ABRACL: variants seen among roughly 807,000 people sequenced by gnomAD.
ABRACL encodes costars family protein ABRACL.
In ABRACL, 4 loss-of-function variants were observed where a neutral mutation model predicts 7.0. The observed-to-expected ratio is 0.57, with a 90% CI of 0.28 to 1.30. The LOEUF is 1.30. Among genes scored for constraint, ABRACL ranks in the 50% most tolerant of loss-of-function variants. ABRACL has a pLI of 0.10. For synonymous variants in ABRACL, 30 were observed against 36.0 expected (o/e 0.83, Z 0.60); for missense variants, 104 against 97.3 (o/e 1.07, Z -0.29).
Position 139,034,226 on chromosome 6 carries a change from G to C in ABRACL, c.61+5G>C. 1 of 1,614,186 alleles carries C rather than the reference G, an allele frequency of 6.2e-7. No homozygotes were observed. The highest frequency in any genetic ancestry group is 8.5e-7 in the Non-Finnish European group (1 of 1,180,052). ...TTCATCGTTTGGGTTCAAAAAGTAA[G>C]TATCTGACAGAGATAGAGTATTTCT... is the stretch of plus-strand genomic sequence containing the variant. On this transcript the variant is annotated splice_donor_5th_base_variant and intron_variant, in intron 2 of 2. Transcript: ENST00000367660.
intron 2 of ABRACL, among the ~76,000 whole-genome samples, chr6:139,041,531 A>ATATATATTTTTTT (rs748288046): frequency 2.1e-4 from 26 of 126,036 alleles, no homozygotes; most frequent in African/African-American, 7.7e-4. Context: ...ATATATATAT[A>ATATATATTTTTTT]TTTTTTTTTA....
intron 2 of ABRACL, among the ~76,000 whole-genome samples, chr6:139,037,385 C>T (rs1786177159): frequency 2.0e-5 from 3 of 152,092 alleles, no homozygotes; most frequent in African/African-American, 4.8e-5. Flanking sequence ...CTCAGCCTCC[C>T]TGGTAGCTGG....
intron 2 of ABRACL, among the ~76,000 whole-genome samples, chr6:139,042,403 C>T (rs1367832359): frequency 6.6e-6 from 1 of 152,128 alleles, no homozygotes; most frequent in African/African-American, 2.4e-5. Flanking sequence ...CAAAAACTCA[C>T]GTAACAATTA....
At chr6:139,041,449 C>CTATATATATA (rs1283788812) in intron 2 of ABRACL, among the ~76,000 whole-genome samples, 1 of 81,878 alleles carries the variant, frequency 1.2e-5, no homozygotes, top group Non-Finnish European at 2.6e-5. Flanking sequence ...CTCTCTCTCT[C>CTATATATATA]TCTATATATA....
chr6:139,042,446 G>A (rs183884456), intron 2 of ABRACL, among the ~76,000 whole-genome samples: 33 of 152,354 alleles, frequency 2.2e-4, no homozygotes, highest in Admixed American at 1.8e-3. Flanking sequence ...AAATTCATCT[G>A]CAGTATTAGC....
intron 1 of ABRACL, among the ~76,000 whole-genome samples, chr6:139,030,987 G>A (rs1374774845): frequency 2.0e-5 from 3 of 152,146 alleles, no homozygotes; most frequent in Non-Finnish European, 4.4e-5. Flanking sequence ...GCAGGTATGC[G>A]TACTATATAT....
chr6:139,042,267 C>G (rs1191709376), intron 2 of ABRACL, among the ~76,000 whole-genome samples: 1 of 128,704 alleles, frequency 7.8e-6, no homozygotes, highest in Non-Finnish European at 1.8e-5. Context: ...TGATGAATGG[C>G]TGATGATTAT....
At chr6:139,035,306 G>A (rs149946264) in intron 2 of ABRACL, among the ~76,000 whole-genome samples, 1 of 152,238 alleles carries the variant, frequency 6.6e-6, no homozygotes, top group East Asian at 1.9e-4. Flanking sequence ...GGTCCTGCTG[G>A]AGTAAGATTA....
At chr6:139,032,555 G>A (rs1008580093) in intron 1 of ABRACL, among the ~76,000 whole-genome samples, 2 of 152,196 alleles carry the variant, frequency 1.3e-5, no homozygotes, top group Non-Finnish European at 2.9e-5. Flanking sequence ...AAAATCTAGT[G>A]TCCCAATCAA....
intron 1 of ABRACL, among the ~76,000 whole-genome samples, chr6:139,033,272 A>G (rs897798396): frequency 3.9e-5 from 6 of 152,362 alleles, no homozygotes; most frequent in African/African-American, 1.4e-4. Context: ...TGGAGGACTT[A>G]GTGAACCAAG....
At chr6:139,034,099 A>T in intron 1 of ABRACL, 56 bp from the exon 2 acceptor site, 1 of 1,606,426 alleles carries the variant, frequency 6.2e-7, no homozygotes, top group Non-Finnish European at 8.5e-7. Flanking sequence ...TTGGATTTGG[A>T]TGTGCTTAAT....
chr6:139,042,330 C>T (rs1786264558), intron 2 of ABRACL, among the ~76,000 whole-genome samples: 1 of 152,146 alleles, frequency 6.6e-6, no homozygotes, highest in Non-Finnish European at 1.5e-5. Flanking sequence ...GTGTTCAGAA[C>T]ACACTTAGAG....
intron 2 of ABRACL, among the ~76,000 whole-genome samples, chr6:139,041,531 A>ATATT (rs748288046): frequency 0.25 from 30,904 of 125,858 alleles, 4,299 homozygotes; most frequent in Non-Finnish European, 0.28. Context: ...ATATATATAT[A>ATATT]TTTTTTTTTA....
intron 2 of ABRACL, among the ~76,000 whole-genome samples, chr6:139,041,005 G>A (rs1786235641): frequency 6.6e-6 from 1 of 152,212 alleles, no homozygotes; most frequent in South Asian, 2.1e-4. Context: ...ACAGGAGGAA[G>A]CCAAGGCTTA....
At chr6:139,037,524 G>A (rs1186873518) in intron 2 of ABRACL, among the ~76,000 whole-genome samples, 1 of 152,048 alleles carries the variant, frequency 6.6e-6, no homozygotes, top group African/African-American at 2.4e-5. Context: ...GCCTCCCAAA[G>A]TGTCGGGATT....
chr6:139,042,754 C>T lies in ABRACL; in HGVS notation c.97C>T (p.Leu33Phe), dbSNP rs780732523. 2.5e-6 allele frequency: 4 copies of T among 1,611,686 alleles called. No individual in the cohort carries two copies. The Admixed American group carries it at 5.0e-5, about 20-fold the overall frequency. ...DGKLSVKFGV[L>F]FRDDKCANLF... is the part of the protein sequence containing the mutation. ...AAAGTTAAGCGTGAAATTTGGGGTC[C>T]TCTTCCGTGATGATAAATGTGCCAA... Residue 33 changes from leucine to phenylalanine, a missense_variant, in exon 3 of 3, where the codon CTC becomes TTC. By Grantham distance (22) the Leu-to-Phe change is conservative. Transcript: ENST00000367660.
Position 139,041,527 on chromosome 6 carries a change from A to ATTTTTT in ABRACL, c.62-1191_62-1190insTTTTTT, listed in dbSNP as rs1250506796. On this transcript the variant is annotated intron_variant, in intron 2 of 2. Transcript: ENST00000367660. ...TGTGTGTGTGTGTATATATATATAT[A>ATTTTTT]TATATTTTTTTTTAGGAGAGACATG... is the stretch of plus-strand genomic sequence containing the variant. Among the ~76,000 whole-genome samples the ATTTTTT allele has an allele frequency of 9.5e-5, 4 of 41,968 alleles. No individual in the cohort carries two copies. In the East Asian group the frequency reaches 5.1e-3, roughly 54 times the overall value. The allele number at this position is 41,968 out of a possible 152,430, so 27.5% of individuals were successfully genotyped here. A position where few individuals can be genotyped will look rare whatever the true frequency, so the allele number is the denominator to read the frequency against.
chr6:139,036,876 C>T (rs769305498), intron 2 of ABRACL, among the ~76,000 whole-genome samples: 2 of 152,014 alleles, frequency 1.3e-5, no homozygotes, highest in Admixed American at 6.6e-5. Context: ...CCCAGCTATA[C>T]TGGAGGCTGA....
At chr6:139,042,457 A>C (rs1786266986) in intron 2 of ABRACL, among the ~76,000 whole-genome samples, 1 of 152,244 alleles carries the variant, frequency 6.6e-6, no homozygotes, top group South Asian at 2.1e-4. Context: ...CAGTATTAGC[A>C]CTGTAGCACA....
Sources: allele counts gnomAD v4.1 joint callset (sites outside exome capture counted in the v4.1 genomes callset), GRCh38; gene constraint gnomAD v4.1.1; transcripts MANE v1.5; gene names NCBI Gene and HGNC (gene_info 2026-07-23, HGNC 2026-07-21).